IQGAP2: variants seen among roughly 807,000 people sequenced by gnomAD.
IQGAP2 encodes IQ motif containing GTPase activating protein 2.
Under a neutral mutation model 201.3 loss-of-function variants are expected in IQGAP2, and 173 were observed. The observed-to-expected ratio is 0.86, with a 90% CI of 0.76 to 0.98. The LOEUF is 0.98. Ranked by LOEUF, IQGAP2 falls within the 50% of genes least tolerant of loss-of-function variation. The pLI is 0.00. For synonymous variants in IQGAP2, 675 were observed against 673.9 expected, an observed-to-expected ratio of 1.00 and a Z score of -0.03; for missense variants, 1,687 against 1,864.8, an observed-to-expected ratio of 0.90 and a Z score of 1.76.
intron 17 of IQGAP2, among the ~76,000 whole-genome samples, chr5:76,646,117 C>T (rs1356943287): frequency 2.6e-5 from 4 of 152,142 alleles, no homozygotes; most frequent in African/African-American, 7.2e-5. Context: ...GTGTTAACCA[C>T]CAAAATATAG....
intron 1 of IQGAP2, among the ~76,000 whole-genome samples, chr5:76,422,152 A>G (rs1425082910): frequency 1.3e-5 from 2 of 152,302 alleles, no homozygotes; most frequent in East Asian, 3.9e-4. Flanking sequence ...CTGTCTTGAG[A>G]TGAGACTGGC....
At chr5:76,461,772 A>G (rs1207277705) in intron 2 of IQGAP2, 103 bp downstream of exon 2, 1 of 757,360 alleles carries the variant, frequency 1.3e-6, no homozygotes, top group East Asian at 2.7e-5. Context: ...TGGGCCAGCA[A>G]TTCTAAAGAG....
intron 25 of IQGAP2, 80 bp from the exon 26 acceptor site, chr5:76,673,872 G>A: frequency 3.4e-6 from 3 of 874,848 alleles, no homozygotes; most frequent in Middle Eastern, 2.2e-4. Context: ...AGCTGAAGTT[G>A]ACTGGAACAA....
At chr5:76,473,132 A>G (rs1031748340) in intron 2 of IQGAP2, among the ~76,000 whole-genome samples, 2 of 152,250 alleles carry the variant, frequency 1.3e-5, no homozygotes, top group Non-Finnish European at 2.9e-5. Flanking sequence ...CTTAAAAACT[A>G]TAACATACTG....
Position 76,603,739 on chromosome 5 carries a change from C to T in IQGAP2, c.1233-2440C>T, listed in dbSNP as rs190046842. 7.6e-3 allele frequency among the ~76,000 whole-genome samples: 1,154 copies of T among 152,282 alleles called. 8 individuals are homozygous for T. The highest frequency in any genetic ancestry group is 0.012 in the Non-Finnish European group (837 of 68,024). On this transcript the variant is annotated intron_variant, in intron 11 of 35. Transcript: ENST00000274364. ...TTTACATGTAGTAAGTGCTCACAAA[C>T]ATCTGCTGAACTAAATTGGATTACT...
intron 1 of IQGAP2, among the ~76,000 whole-genome samples, chr5:76,406,758 C>G (rs778555308): frequency 6.6e-6 from 1 of 152,216 alleles, no homozygotes; most frequent in African/African-American, 2.4e-5. Context: ...CCACTGATAA[C>G]CCAATCAACA....
intron 2 of IQGAP2, among the ~76,000 whole-genome samples, chr5:76,551,727 G>A (rs1240028070): frequency 1.3e-5 from 2 of 151,976 alleles, no homozygotes; most frequent in African/African-American, 4.8e-5. Context: ...GGCTGCGCGT[G>A]CCTGCAATCC....
chr5:76,674,933 G>A (rs887351079), intron 27 of IQGAP2, among the ~76,000 whole-genome samples: 2 of 152,160 alleles, frequency 1.3e-5, no homozygotes, highest in Non-Finnish European at 2.9e-5. Flanking sequence ...CTATTACACT[G>A]AGTCTTTTCT....
At chr5:76,499,933 T>A (rs956598690) in intron 2 of IQGAP2, among the ~76,000 whole-genome samples, 1 of 151,778 alleles carries the variant, frequency 6.6e-6, no homozygotes, top group African/African-American at 2.4e-5. Flanking sequence ...TAGTGAAACC[T>A]CATCCCTAAA....
chr5:76,469,507 T>C (rs553856919), intron 2 of IQGAP2, among the ~76,000 whole-genome samples: 1 of 152,166 alleles, frequency 6.6e-6, no homozygotes, highest in South Asian at 2.1e-4. Context: ...TTCAAACGAT[T>C]ATTTCTCCTG....
chr5:76,546,638 CAG>C (rs1199971851), intron 2 of IQGAP2, among the ~76,000 whole-genome samples: 2 of 152,114 alleles, frequency 1.3e-5, no homozygotes, highest in African/African-American at 4.8e-5. Context: ...GGCACAAGAG[CAG>C]CATTGGTTTA....
chr5:76,443,721 T>G (rs1753192614), intron 1 of IQGAP2, among the ~76,000 whole-genome samples: 1 of 152,162 alleles, frequency 6.6e-6, no homozygotes, highest in Admixed American at 6.5e-5. Flanking sequence ...GCAGCTGCTA[T>G]GGGACATGAC....
intron 2 of IQGAP2, among the ~76,000 whole-genome samples, chr5:76,541,537 G>A (rs1302298105): frequency 6.6e-6 from 1 of 152,016 alleles, no homozygotes; most frequent in African/African-American, 2.4e-5. Flanking sequence ...AATTCTTTGG[G>A]GATATTATAA....
At chr5:76,574,472 G>T (rs1470626489) in intron 4 of IQGAP2, among the ~76,000 whole-genome samples, 2 of 150,258 alleles carry the variant, frequency 1.3e-5, no homozygotes, top group Non-Finnish European at 2.9e-5. Context: ...CCTGGCTAAT[G>T]TTGGCCAGGC....
intron 17 of IQGAP2, among the ~76,000 whole-genome samples, chr5:76,642,090 G>T (rs1207117705): frequency 6.6e-6 from 1 of 152,068 alleles, no homozygotes; most frequent in Non-Finnish European, 1.5e-5. Flanking sequence ...GATTTTTCTA[G>T]GTGGGCCAAT....
At chr5:76,601,111 C>A (rs762031168) in intron 11 of IQGAP2, 139 bp downstream of exon 11, 1 of 719,828 alleles carries the variant, frequency 1.4e-6, no homozygotes, top group Non-Finnish European at 2.2e-6. Flanking sequence ...TTTAAGAGTC[C>A]TTCTAATTAG....
At chr5:76,667,859 G>A (rs548590976) in intron 22 of IQGAP2, among the ~76,000 whole-genome samples, 6 of 143,500 alleles carry the variant, frequency 4.2e-5, no homozygotes, top group African/African-American at 8.1e-5. Flanking sequence ...CTATGTAGCC[G>A]GGCCCTTAGT....
Position 76,671,892 on chromosome 5 carries a change from A to C in IQGAP2, c.2977A>C (p.Ile993Leu), listed in dbSNP as rs756993864. The change falls in exon 24 of 36, where the codon ATC (isoleucine) becomes CTC (leucine). Residue 993 changes from isoleucine to leucine, a missense_variant. Ile to Leu is a conservative substitution (Grantham distance 5). Transcript: ENST00000274364. ...CCTGGCTCCAGTGGTAAAAGAGATC[A>C]TCGACGACAAGTCGCTGATTATCAA... ...QLLAPVVKEI[I>L]DDKSLIINTN... 3 of 1,614,152 alleles carry C rather than the reference A, an allele frequency of 1.9e-6. No individual in the cohort carries two copies. The highest frequency in any genetic ancestry group is 1.1e-5 in the South Asian group (1 of 91,074).
chr5:76,618,801 C>A (rs951745690), intron 13 of IQGAP2, among the ~76,000 whole-genome samples: 6 of 152,136 alleles, frequency 3.9e-5, no homozygotes, highest in African/African-American at 1.4e-4. Flanking sequence ...ATATTTAATA[C>A]ATATCATATG....
Sources: allele counts gnomAD v4.1 joint callset (sites outside exome capture counted in the v4.1 genomes callset), GRCh38; gene constraint gnomAD v4.1.1; transcripts MANE v1.5; gene names NCBI Gene and HGNC (gene_info 2026-07-23, HGNC 2026-07-21).